The following GPC6 variants were observed in gnomAD, a reference collection of about 807,000 sequenced individuals.
The protein encoded by GPC6 is glypican-6.
Under a neutral mutation model 55.2 loss-of-function variants are expected in GPC6, and 14 were observed. The ratio of observed to expected loss-of-function variants is 0.25; its 90% CI spans 0.17 to 0.40. The LOEUF (loss-of-function observed/expected upper bound fraction) is 0.40, where lower values mean the gene tolerates loss of function less well. Ranked by LOEUF, GPC6 falls within the 10% of genes least tolerant of loss-of-function variation. GPC6 has a pLI of 1.00. For missense variants in GPC6, 641 were observed against 708.5 expected (o/e 0.90, Z 1.08); for synonymous variants, 278 against 259.6 (o/e 1.07, Z -0.68).
At chr13:94,348,388 C>T (rs918196801) in intron 6 of GPC6, among the ~76,000 whole-genome samples, 1 of 152,174 alleles carries the variant, frequency 6.6e-6, no homozygotes, top group Non-Finnish European at 1.5e-5. Flanking sequence ...TTGCAAATCA[C>T]CTGAAGATCT....
At chr13:94,197,295 T>C (rs1889608488) in intron 4 of GPC6, among the ~76,000 whole-genome samples, 1 of 152,080 alleles carries the variant, frequency 6.6e-6, no homozygotes, top group Non-Finnish European at 1.5e-5. Context: ...TAACATAACC[T>C]CCACTCCCTG....
chr13:93,362,950 T>C (rs888408894), intron 1 of GPC6, among the ~76,000 whole-genome samples: 1 of 152,044 alleles, frequency 6.6e-6, no homozygotes, highest in African/African-American at 2.4e-5. Context: ...CTAGTATTAA[T>C]TTTTAGGTGA....
At chr13:93,309,340 CAT>C (rs1429181077) in intron 1 of GPC6, among the ~76,000 whole-genome samples, 8 of 152,118 alleles carry the variant, frequency 5.3e-5, no homozygotes, top group South Asian at 2.1e-4. Flanking sequence ...GAAATATAAA[CAT>C]AGCGATAATT....
chr13:94,279,157 AGTCTT>A (rs201549663), intron 4 of GPC6, among the ~76,000 whole-genome samples: 3,923 of 152,166 alleles, frequency 0.026, 74 homozygotes, highest in Non-Finnish European at 0.043. Flanking sequence ...TTCCTGGTTT[AGTCTT>A]GGGAGGGTGT....
At chr13:94,007,354 G>A (rs1234308772) in intron 3 of GPC6, among the ~76,000 whole-genome samples, 1 of 152,210 alleles carries the variant, frequency 6.6e-6, no homozygotes, top group Non-Finnish European at 1.5e-5. Flanking sequence ...GAAGACAGCA[G>A]GAGGAATCGC....
chr13:93,277,691 A>T (rs1414704819), intron 1 of GPC6, among the ~76,000 whole-genome samples: 1 of 152,182 alleles, frequency 6.6e-6, no homozygotes, highest in African/African-American at 2.4e-5. Flanking sequence ...TTAACTTTTT[A>T]AAAATAGAAT....
intron 3 of GPC6, among the ~76,000 whole-genome samples, chr13:93,916,990 T>C (rs764448765): frequency 2.6e-5 from 4 of 152,170 alleles, no homozygotes; most frequent in Non-Finnish European, 5.9e-5. Flanking sequence ...AGCTCCCTTT[T>C]TGCCCCAAAT....
chr13:94,322,591 C>T (rs145352672), intron 6 of GPC6, among the ~76,000 whole-genome samples: 2,333 of 151,918 alleles, frequency 0.015, 46 homozygotes, highest in African/African-American at 0.053. Context: ...ATGGAATTTG[C>T]TTTATAATAA....
chr13:94,032,320 A>G (rs1883172453), intron 4 of GPC6, among the ~76,000 whole-genome samples: 1 of 152,230 alleles, frequency 6.6e-6, no homozygotes, highest in Admixed American at 6.5e-5. Context: ...ATGGGGTGCT[A>G]AGCCTTTACT....
At chr13:93,862,080 G>C (rs935135441) in intron 3 of GPC6, among the ~76,000 whole-genome samples, 9 of 151,624 alleles carry the variant, frequency 5.9e-5, no homozygotes, top group African/African-American at 2.2e-4. Flanking sequence ...TCTCTTGGGT[G>C]ATTATAGAAG....
At chr13:93,382,009 T>C (rs1875195860) in intron 1 of GPC6, among the ~76,000 whole-genome samples, 1 of 152,194 alleles carries the variant, frequency 6.6e-6, no homozygotes, top group Non-Finnish European at 1.5e-5. Flanking sequence ...AATTTGAATT[T>C]ACTTTAATGA....
intron 5 of GPC6, among the ~76,000 whole-genome samples, chr13:94,287,700 G>A (rs983329231): frequency 6.6e-6 from 1 of 152,240 alleles, no homozygotes; most frequent in Non-Finnish European, 1.5e-5. Context: ...AGCACATTTG[G>A]GGTTTCCATG....
chr13:93,786,209 C>T (rs915830231), intron 2 of GPC6, among the ~76,000 whole-genome samples: 1 of 151,980 alleles, frequency 6.6e-6, no homozygotes, highest in African/African-American at 2.4e-5. Flanking sequence ...ACAACCTTCC[C>T]AACCATGGAG....
At position 93,227,183 on chromosome 13, in the gene GPC6, T is replaced by G; in HGVS notation, c.-274T>G. 1.5e-5 allele frequency: 5 copies of G among 342,800 alleles called. No homozygotes were observed. Among genetic ancestry groups the G allele is most frequent in the Admixed American group, 4.6e-5 (1 of 21,792 alleles). 21.2% of individuals were successfully genotyped at this position (342,800 alleles called of 1,614,324 possible). On this transcript the variant is annotated 5_prime_UTR_variant, in exon 1 of 9. Coordinates refer to ENST00000377047, the MANE Select transcript of GPC6 (RefSeq NM_005708.5). This position sits in a 1 kb window ranked among gnomAD's most constrained non-coding sequence, Gnocchi z 4.3. ...CACTTCTTTTCCTTCTCTTCCTCGT[T>G]TTGATTGCACCGTTTCCATCTGGGG...
intron 1 of GPC6, among the ~76,000 whole-genome samples, chr13:93,499,197 G>A (rs1253067024): frequency 6.6e-6 from 1 of 151,970 alleles, no homozygotes; most frequent in Non-Finnish European, 1.5e-5. Context: ...AAATTCAGCT[G>A]ACTATCCATG....
intron 2 of GPC6, among the ~76,000 whole-genome samples, chr13:93,669,131 C>A (rs904733236): frequency 1.3e-5 from 2 of 152,150 alleles, no homozygotes; most frequent in Non-Finnish European, 2.9e-5. Context: ...GAAAGTCATA[C>A]AAGTGTATTT....
intron 1 of GPC6, among the ~76,000 whole-genome samples, chr13:93,291,198 C>T (rs1878309665): frequency 6.6e-6 from 1 of 152,136 alleles, no homozygotes; most frequent in Non-Finnish European, 1.5e-5. Context: ...TTGATAATTT[C>T]TCTCTCATCC....
Position 93,450,024 on chromosome 13 carries a change from T to C in GPC6, c.161-95239T>C, listed in dbSNP as rs571325572. Among the ~76,000 whole-genome samples, 451 of 152,208 alleles carry C rather than the reference T, an allele frequency of 3.0e-3. 3 individuals are homozygous for C. The highest frequency in any genetic ancestry group is 0.01 in the African/African-American group (429 of 41,552). ...GTCTCGATCTCTTGACCTCGTGACC[T>C]GCCTGCCTCAGTCTCCCAAAGTGCT... On this transcript the variant is annotated intron_variant, in intron 1 of 8. Coordinates refer to ENST00000377047, the MANE Select transcript of GPC6 (RefSeq NM_005708.5).
intron 3 of GPC6, among the ~76,000 whole-genome samples, chr13:93,936,023 C>A (rs1234204833): frequency 6.6e-6 from 1 of 152,118 alleles, no homozygotes; most frequent in Non-Finnish European, 1.5e-5. Flanking sequence ...GATCAGACAA[C>A]AATGATACAC....
Sources: allele counts gnomAD v4.1 joint callset (sites outside exome capture counted in the v4.1 genomes callset), GRCh38; gene constraint gnomAD v4.1.1; non-coding constraint Gnocchi (gnomAD v3.1); transcripts MANE v1.5; gene names NCBI Gene and HGNC (gene_info 2026-07-23, HGNC 2026-07-21).